Variants in CSMD1 observed in about 807,000 individuals in gnomAD.
The protein encoded by CSMD1 is CUB and sushi domain-containing protein 1.
Under a neutral mutation model 417.5 loss-of-function variants are expected in CSMD1, and 213 were observed. The observed-to-expected ratio is 0.51, with a 90% CI of 0.46 to 0.57. The LOEUF is 0.57. CSMD1 is among the 20% of genes least tolerant of loss of function. The pLI is 0.00. For synonymous variants in CSMD1, 2,862 were observed against 1,736.8 expected (o/e 1.65, Z -16.11); for missense variants, 6,923 against 4,529.7 (o/e 1.53, Z -15.17).
intron 3 of CSMD1, among the ~76,000 whole-genome samples, chr8:4,043,990 T>G (rs1798022311): frequency 6.6e-6 from 1 of 151,870 alleles, no homozygotes; most frequent in South Asian, 2.1e-4. Context: ...AATGCAACTG[T>G]AATGTCAGAA....
In CSMD1 at chr8:3,177,791, G is replaced by C. The variant is rs1482445340; in HGVS notation, c.5725+3319C>G. On this transcript the variant is annotated intron_variant, in intron 37 of 69. Transcript: ENST00000635120. ...CTGCCACCTTGTTGGCCAGCAGTAAGATCCATCCTGTACACCTTGAGGTCA... is the reference window on the plus strand; with the variant it reads ...CTGCCACCTTGTTGGCCAGCAGTAACATCCATCCTGTACACCTTGAGGTCA... 2.0e-5 allele frequency among the ~76,000 whole-genome samples: 3 copies of C among 152,290 alleles called. No individual in the cohort carries two copies. In the East Asian group the frequency reaches 5.8e-4, roughly 29 times the overall value.
chr8:4,605,917 G>C (rs1008416907), intron 2 of CSMD1, among the ~76,000 whole-genome samples: 1 of 152,152 alleles, frequency 6.6e-6, no homozygotes, highest in Non-Finnish European at 1.5e-5. Flanking sequence ...TCAATGCTGG[G>C]AGATGGAAAC....
intron 1 of CSMD1, among the ~76,000 whole-genome samples, chr8:4,777,027 G>A (rs947922599): frequency 1.3e-5 from 2 of 152,148 alleles, no homozygotes; most frequent in Non-Finnish European, 2.9e-5. Flanking sequence ...ATCTAGTAAA[G>A]TTCGGTGTGT....
chr8:4,500,702 C>T (rs1023457267), intron 2 of CSMD1, among the ~76,000 whole-genome samples: 5 of 152,060 alleles, frequency 3.3e-5, no homozygotes, highest in Non-Finnish European at 5.9e-5. Context: ...AGGTTTTCCT[C>T]TTGCGATAAA....
intron 3 of CSMD1, among the ~76,000 whole-genome samples, chr8:4,300,978 A>G (rs1797952275): frequency 6.6e-6 from 1 of 152,204 alleles, no homozygotes; most frequent in Non-Finnish European, 1.5e-5. Flanking sequence ...TATTGTAAAT[A>G]GTGCACTATA....
chr8:3,157,751 G>C (rs1173868542), intron 39 of CSMD1, 146 bp downstream of exon 39: 1 of 646,762 alleles, frequency 1.5e-6, no homozygotes. Flanking sequence ...GCATCATTCT[G>C]CTCTACTGCA....
At chr8:3,639,917 C>G (rs932757590) in intron 7 of CSMD1, among the ~76,000 whole-genome samples, 1 of 152,096 alleles carries the variant, frequency 6.6e-6, no homozygotes, top group African/African-American at 2.4e-5. Flanking sequence ...TTTGCTAACC[C>G]TAGTTAAAAG....
intron 51 of CSMD1, among the ~76,000 whole-genome samples, chr8:3,026,919 T>C (rs1347431443): frequency 1.3e-5 from 2 of 152,196 alleles, no homozygotes; most frequent in African/African-American, 4.8e-5. Context: ...TCTAGACTTC[T>C]GTACTCTGAT....
chr8:3,841,524 G>T (rs998091674), intron 5 of CSMD1, among the ~76,000 whole-genome samples: 2 of 152,110 alleles, frequency 1.3e-5, no homozygotes, highest in South Asian at 4.2e-4. Context: ...GATGTCTAGG[G>T]ACTTGTAAAA....
intron 1 of CSMD1, among the ~76,000 whole-genome samples, chr8:4,641,310 G>C (rs115680713): frequency 0.029 from 4,443 of 152,022 alleles, 217 homozygotes; most frequent in African/African-American, 0.1. Flanking sequence ...GAAACATCTG[G>C]CTCCTATCTA....
At chr8:4,148,038 A>T (rs1003553036) in intron 3 of CSMD1, among the ~76,000 whole-genome samples, 2 of 152,052 alleles carry the variant, frequency 1.3e-5, no homozygotes, top group African/African-American at 4.8e-5. Flanking sequence ...CTGTTCTATG[A>T]CCTTTACGGT....
At chr8:4,104,257 T>G (rs895103990) in intron 3 of CSMD1, among the ~76,000 whole-genome samples, 1 of 152,204 alleles carries the variant, frequency 6.6e-6, no homozygotes, top group Non-Finnish European at 1.5e-5. Flanking sequence ...ACATAATGAT[T>G]TATCTCACTC....
intron 7 of CSMD1, among the ~76,000 whole-genome samples, chr8:3,671,182 T>C (rs1050712427): frequency 1.4e-5 from 2 of 148,022 alleles, no homozygotes; most frequent in African/African-American, 2.5e-5. Context: ...TATATGTATA[T>C]GGTATATATA....
intron 1 of CSMD1, among the ~76,000 whole-genome samples, chr8:4,840,853 T>C (rs1372456450): frequency 6.6e-6 from 1 of 152,246 alleles, no homozygotes; most frequent in African/African-American, 2.4e-5. Flanking sequence ...CCACTATTAA[T>C]AAAAATACAT....
At chr8:3,406,489 A>C (rs1187088039) in intron 14 of CSMD1, among the ~76,000 whole-genome samples, 1 of 152,198 alleles carries the variant, frequency 6.6e-6, no homozygotes, top group African/African-American at 2.4e-5. Flanking sequence ...ATAGGAGCTT[A>C]GACAAAGAGA....
At chr8:4,551,868 T>G (rs1797886039) in intron 2 of CSMD1, among the ~76,000 whole-genome samples, 1 of 151,004 alleles carries the variant, frequency 6.6e-6, no homozygotes, top group Admixed American at 6.6e-5. Flanking sequence ...TTTTTTTTTT[T>G]GTAGAGATGG....
At chr8:4,663,723 T>C (rs902962894) in intron 1 of CSMD1, among the ~76,000 whole-genome samples, 57 of 152,274 alleles carry the variant, frequency 3.7e-4, no homozygotes, top group African/African-American at 1.3e-3. Context: ...AATCCCTCTT[T>C]TAAATAAATT....
intron 3 of CSMD1, among the ~76,000 whole-genome samples, chr8:4,157,386 C>G (rs1270353745): frequency 6.6e-6 from 1 of 152,182 alleles, no homozygotes; most frequent in Non-Finnish European, 1.5e-5. Flanking sequence ...CACGCCAGCT[C>G]AAAGGTTGAA....
chr8:3,607,513 A>C (rs79560129), intron 8 of CSMD1, among the ~76,000 whole-genome samples: 3,869 of 152,294 alleles, frequency 0.025, 73 homozygotes, highest in Middle Eastern at 0.088. Context: ...GCAGCACAGT[A>C]CATCTGTCTT....
Sources: gnomAD v4.1 joint callset for allele counts (sites outside exome capture counted in the v4.1 genomes callset) on GRCh38, gnomAD v4.1.1 for gene constraint, MANE v1.5 for transcripts, NCBI Gene and HGNC (gene_info 2026-07-23, HGNC 2026-07-21) for gene names.